Variants in NRXN3 observed in about 807,000 individuals in gnomAD.
The protein encoded by NRXN3 is neurexin III.
NRXN3 carries 32 observed loss-of-function variants against 137.6 expected under a neutral mutation model. The ratio of observed to expected loss-of-function variants is 0.23; its 90% CI spans 0.18 to 0.31. The LOEUF (loss-of-function observed/expected upper bound fraction) is 0.31, where lower values mean the gene tolerates loss of function less well. Among genes scored for constraint, NRXN3 ranks in the 10% least tolerant of loss-of-function variants. The pLI, the probability that NRXN3 is intolerant of heterozygous loss-of-function variation, is 1.00. For synonymous variants in NRXN3, 798 were observed against 784.5 expected (o/e 1.02, Z -0.29); for missense variants, 1,574 against 2,062.5 (o/e 0.76, Z 4.59).
intron 15 of NRXN3, among the ~76,000 whole-genome samples, chr14:79,409,492 C>T (rs1489951926): frequency 6.7e-6 from 1 of 149,504 alleles, no homozygotes. Flanking sequence ...TATATGTAGT[C>T]TGCTACACAT....
chr14:78,652,517 C>G (rs886883190), intron 6 of NRXN3, among the ~76,000 whole-genome samples: 4 of 152,224 alleles, frequency 2.6e-5, no homozygotes, highest in Admixed American at 2.6e-4. Flanking sequence ...TACCATCTCC[C>G]TGGGGATGTT....
intron 8 of NRXN3, among the ~76,000 whole-genome samples, chr14:78,740,544 C>T (rs200726583): frequency 7.0e-6 from 1 of 142,152 alleles, no homozygotes; most frequent in Non-Finnish European, 1.5e-5. Flanking sequence ...CTTTTCTTTT[C>T]TTTTTTTTTT....
intron 1 of NRXN3, among the ~76,000 whole-genome samples, chr14:78,203,803 G>GGTGTGTGTGTGTGTGTGTGTGTGT (rs3059003): frequency 3.0e-5 from 4 of 133,950 alleles, no homozygotes; most frequent in African/African-American, 1.1e-4. Context: ...GATCCTTCCA[G>GGTGTGTGTGTGTGTGTGTGTGTGT]GTGTGTGTGT....
At chr14:79,057,636 A>G (rs959041304) in intron 15 of NRXN3, among the ~76,000 whole-genome samples, 1 of 152,238 alleles carries the variant, frequency 6.6e-6, no homozygotes, top group Admixed American at 6.5e-5. Flanking sequence ...GGAAAGACAC[A>G]TTTGGACCTT....
At chr14:79,020,092 C>T (rs2099586115) in intron 15 of NRXN3, among the ~76,000 whole-genome samples, 1 of 150,886 alleles carries the variant, frequency 6.6e-6, no homozygotes, top group African/African-American at 2.4e-5. Flanking sequence ...ATGGATAAGG[C>T]TAGGGATGGC....
At chr14:78,563,379 T>C (rs567494318) in intron 4 of NRXN3, among the ~76,000 whole-genome samples, 3 of 152,082 alleles carry the variant, frequency 2.0e-5, no homozygotes, top group Non-Finnish European at 4.4e-5. Flanking sequence ...ATAACGGAAA[T>C]AGGTTTGATG....
At chr14:79,366,866 G>C (rs142535329) in intron 15 of NRXN3, among the ~76,000 whole-genome samples, 1,837 of 151,508 alleles carry the variant, frequency 0.012, 32 homozygotes, top group African/African-American at 0.042. Flanking sequence ...AACTTTTCTA[G>C]TAGCAATATT....
intron 4 of NRXN3, among the ~76,000 whole-genome samples, chr14:78,340,419 T>C (rs1261957395): frequency 1.3e-5 from 2 of 152,178 alleles, no homozygotes; most frequent in Non-Finnish European, 2.9e-5. Flanking sequence ...GGCTTATAAC[T>C]ACAATTATTT....
chr14:79,732,876 G>T (rs927078498), intron 19 of NRXN3, among the ~76,000 whole-genome samples: 41 of 152,170 alleles, frequency 2.7e-4, no homozygotes, highest in Admixed American at 2.5e-3. Context: ...TATTTATACA[G>T]TATTAATGTG....
intron 20 of NRXN3, among the ~76,000 whole-genome samples, chr14:79,816,585 T>G (rs2099252177): frequency 6.6e-6 from 1 of 152,252 alleles, no homozygotes; most frequent in South Asian, 2.1e-4. Context: ...AACAGGATAT[T>G]TCTTAGGTTT....
intron 15 of NRXN3, among the ~76,000 whole-genome samples, chr14:79,314,632 A>C (rs1174538363): frequency 2.7e-5 from 3 of 111,348 alleles, no homozygotes; most frequent in African/African-American, 1.1e-4. Context: ...AAACAAAAAG[A>C]CAGCAGTAAC....
At chr14:79,350,577 C>A (rs973894991) in intron 15 of NRXN3, among the ~76,000 whole-genome samples, 25 of 152,172 alleles carry the variant, frequency 1.6e-4, no homozygotes, top group African/African-American at 5.8e-4. Context: ...TAGAACAAAT[C>A]AGCCTTTGGC....
chr14:79,502,090 T>C (rs185267277), intron 16 of NRXN3, among the ~76,000 whole-genome samples: 49 of 152,256 alleles, frequency 3.2e-4, no homozygotes, highest in African/African-American at 1.1e-3. Flanking sequence ...GATTCTTGGG[T>C]ATTCAGTGAA....
At chr14:79,224,680 T>A (rs1207669687) in intron 15 of NRXN3, among the ~76,000 whole-genome samples, 1 of 152,126 alleles carries the variant, frequency 6.6e-6, no homozygotes, top group Non-Finnish European at 1.5e-5. Context: ...GAGTGGGCTC[T>A]TACTCCAATC....
At chr14:79,033,366 G>A (rs903956892) in intron 15 of NRXN3, among the ~76,000 whole-genome samples, 1 of 152,034 alleles carries the variant, frequency 6.6e-6, no homozygotes, top group South Asian at 2.1e-4. Context: ...TTCATTCTCT[G>A]CAGAATGAGG....
chr14:79,565,212 T>TATATATGTGTGTGTATATATAC (rs749682742), intron 16 of NRXN3, among the ~76,000 whole-genome samples: 14,653 of 142,834 alleles, frequency 0.1, 1,135 homozygotes, highest in African/African-American at 0.19. Context: ...TGTTTGTGTA[T>TATATATGTGTGTGTATATATAC]ATATATGTGT....
intron 16 of NRXN3, among the ~76,000 whole-genome samples, chr14:79,605,820 A>G (rs1602902485): frequency 6.6e-6 from 1 of 152,144 alleles, no homozygotes; most frequent in African/African-American, 2.4e-5. Context: ...CATCACTGGT[A>G]CAACACCCTG....
chr14:78,485,240 C>T (rs1378644130), intron 4 of NRXN3, among the ~76,000 whole-genome samples: 5 of 152,258 alleles, frequency 3.3e-5, no homozygotes, highest in Non-Finnish European at 4.4e-5. Flanking sequence ...GTGTGTCCCC[C>T]GGTTGGGAGA....
chr14:79,151,835 G>A (rs986096435), intron 15 of NRXN3, among the ~76,000 whole-genome samples: 1 of 151,872 alleles, frequency 6.6e-6, no homozygotes, highest in Admixed American at 6.6e-5. Context: ...ATGAATTTAT[G>A]CCACACTAAT....
Sources: gnomAD v4.1 joint callset for allele counts (sites outside exome capture counted in the v4.1 genomes callset) on GRCh38, gnomAD v4.1.1 for gene constraint, MANE v1.5 for transcripts, NCBI Gene and HGNC (gene_info 2026-07-23, HGNC 2026-07-21) for gene names.